SETBP1: variants seen among roughly 807,000 people sequenced by gnomAD.
The protein encoded by SETBP1 is SET-binding protein.
A neutral mutation model predicts 101.0 loss-of-function variants in SETBP1; 9 were observed. That is an observed-to-expected ratio of 0.09 (90% confidence interval 0.05 to 0.16). The LOEUF (loss-of-function observed/expected upper bound fraction) is 0.16, where lower values mean the gene tolerates loss of function less well. Ranked by LOEUF, SETBP1 falls within the 10% of genes least tolerant of loss-of-function variation. The pLI is 1.00. For missense variants in SETBP1, 1,858 were observed against 2,033.8 expected (o/e 0.91, Z 1.66); for synonymous variants, 818 against 788.5 (o/e 1.04, Z -0.63).
intron 2 of SETBP1, among the ~76,000 whole-genome samples, chr18:44,719,249 C>T (rs1376116330): frequency 6.6e-6 from 1 of 152,128 alleles, no homozygotes; most frequent in Non-Finnish European, 1.5e-5. Flanking sequence ...ACCTGAAAGG[C>T]CCAGTGTATT....
intron 4 of SETBP1, among the ~76,000 whole-genome samples, chr18:44,989,514 A>G (rs1246552340): frequency 6.6e-6 from 1 of 152,178 alleles, no homozygotes. Flanking sequence ...TAAAAGGAAT[A>G]GAGTGAAAAG....
intron 4 of SETBP1, among the ~76,000 whole-genome samples, chr18:45,026,318 A>C (rs1232643271): frequency 6.6e-6 from 1 of 152,204 alleles, no homozygotes; most frequent in East Asian, 1.9e-4. Context: ...TTGAGCACCA[A>C]GCCAGCATGC....
intron 3 of SETBP1, among the ~76,000 whole-genome samples, chr18:44,895,025 G>T (rs1255014350): frequency 1.3e-5 from 2 of 149,050 alleles, no homozygotes; most frequent in Non-Finnish European, 3.0e-5. Flanking sequence ...GAGGTGGGAG[G>T]ATCACTTGAG....
intron 3 of SETBP1, chr18:44,876,583 G>C: frequency 6.4e-7 from 1 of 1,550,882 alleles, no homozygotes; most frequent in Non-Finnish European, 8.7e-7. Flanking sequence ...CTCCAGTAAG[G>C]AGGAAGTCTG....
At chr18:45,048,760 C>T (rs1379394868) in intron 5 of SETBP1, among the ~76,000 whole-genome samples, 1 of 151,392 alleles carries the variant, frequency 6.6e-6, no homozygotes, top group Non-Finnish European at 1.5e-5. Flanking sequence ...ATCATGAGGT[C>T]AGGAGATCGA....
intron 4 of SETBP1, among the ~76,000 whole-genome samples, chr18:44,954,165 C>T (rs1335066890): frequency 6.6e-6 from 1 of 152,098 alleles, no homozygotes; most frequent in Non-Finnish European, 1.5e-5. Flanking sequence ...TTGCCAACCT[C>T]CCCAACCACA....
intron 1 of SETBP1, among the ~76,000 whole-genome samples, chr18:44,695,899 T>C (rs2069008980): frequency 6.6e-6 from 1 of 151,084 alleles, no homozygotes; most frequent in African/African-American, 2.4e-5. Context: ...ACACTGAGGC[T>C]GAAAGAGGCT....
intron 1 of SETBP1, among the ~76,000 whole-genome samples, chr18:44,685,410 T>C (rs1190604373): frequency 6.6e-6 from 1 of 152,214 alleles, no homozygotes. Flanking sequence ...TATCTCCGTT[T>C]AGAGGATGAG....
At chr18:44,714,403 C>G (rs772554357) in intron 2 of SETBP1, among the ~76,000 whole-genome samples, 1 of 151,976 alleles carries the variant, frequency 6.6e-6, no homozygotes, top group Admixed American at 6.6e-5. Flanking sequence ...GGTTTTGCCA[C>G]GTTGGCCAGG....
chr18:44,970,542 T>A (rs111260797), intron 4 of SETBP1, among the ~76,000 whole-genome samples: 4 of 152,336 alleles, frequency 2.6e-5, no homozygotes, highest in African/African-American at 9.6e-5. Flanking sequence ...GTTGGTATAA[T>A]TACAAATGCA....
At chr18:44,688,405 C>T (rs764869861) in intron 1 of SETBP1, among the ~76,000 whole-genome samples, 85 of 151,780 alleles carry the variant, frequency 5.6e-4, no homozygotes, top group Admixed American at 1.7e-3. Context: ...ATGAAATCTG[C>T]GTGGCAAGTC....
chr18:45,035,009 C>T (rs1372745177), intron 4 of SETBP1, among the ~76,000 whole-genome samples: 1 of 151,884 alleles, frequency 6.6e-6, no homozygotes, highest in African/African-American at 2.4e-5. Context: ...CCCCCCGCCC[C>T]CAACTTTGCT....
intron 4 of SETBP1, among the ~76,000 whole-genome samples, chr18:44,976,114 A>G (rs919192823): frequency 6.7e-6 from 1 of 149,216 alleles, no homozygotes; most frequent in Non-Finnish European, 1.5e-5. Context: ...ACACACACAC[A>G]CAGACTCATA....
At chr18:44,779,935 C>T (rs1414948479) in intron 2 of SETBP1, among the ~76,000 whole-genome samples, 1 of 151,424 alleles carries the variant, frequency 6.6e-6, no homozygotes, top group African/African-American at 2.4e-5. Flanking sequence ...CACACGCACG[C>T]ACACACACAC....
chr18:44,993,306 G>A (rs983985192), intron 4 of SETBP1, among the ~76,000 whole-genome samples: 34 of 152,036 alleles, frequency 2.2e-4, no homozygotes, highest in African/African-American at 8.0e-4. Context: ...GTCTCAGCCA[G>A]TAAGCTAAGG....
intron 2 of SETBP1, among the ~76,000 whole-genome samples, chr18:44,731,457 G>A (rs1417080928): frequency 4.6e-5 from 7 of 152,156 alleles, no homozygotes; most frequent in African/African-American, 1.7e-4. Context: ...AGAGCCCTGA[G>A]TTAGGAGCCA....
intron 4 of SETBP1, among the ~76,000 whole-genome samples, chr18:44,974,674 T>C (rs2071947016): frequency 6.6e-6 from 1 of 152,136 alleles, no homozygotes. Flanking sequence ...AATATATATT[T>C]GTATATATTT....
At chr18:44,703,350 T>TG (rs2069153304) in intron 2 of SETBP1, among the ~76,000 whole-genome samples, 1 of 13,472 alleles carries the variant, frequency 7.4e-5, no homozygotes, top group African/African-American at 3.1e-4. Flanking sequence ...ACCATTAGGT[T>TG]TTTTTTTTTT....
At position 45,038,615 on chromosome 18, in the gene SETBP1, G is replaced by A. The variant is rs35460875; in HGVS notation, c.4131G>A (p.Val1377=). Residue 1377 remains valine (V), a synonymous_variant, in exon 5 of 6, where the codon GTG becomes GTA. Transcript: ENST00000649279. Reference sequence around the variant, plus strand: ...GTGTTACAATTCCACCAGCCCCAGTGTTATCTCTCCTTGCTGCATCTGCAG... The same window carrying A: ...GTGTTACAATTCCACCAGCCCCAGTATTATCTCTCCTTGCTGCATCTGCAG... ...VDSVTIPPAP[V]LSLLAASAAT... 2,577 of 1,614,184 alleles carry A rather than the reference G, an allele frequency of 1.6e-3. 42 individuals are homozygous for A. In the African/African-American group the frequency reaches 0.03, roughly 19 times the overall value.
Sources: gnomAD v4.1 joint callset for allele counts (sites outside exome capture counted in the v4.1 genomes callset) on GRCh38, gnomAD v4.1.1 for gene constraint, MANE v1.5 for transcripts, NCBI Gene and HGNC (gene_info 2026-07-23, HGNC 2026-07-21) for gene names.